The following AMH variants were observed in gnomAD, a reference collection of about 807,000 sequenced individuals.
AMH encodes anti-Mullerian hormone.
AMH carries 39 observed loss-of-function variants against 33.3 expected under a neutral mutation model. The ratio of observed to expected loss-of-function variants is 1.17; its 90% CI spans 0.91 to 1.53. The LOEUF (loss-of-function observed/expected upper bound fraction) is 1.53, where lower values mean the gene tolerates loss of function less well. Among genes scored for constraint, AMH ranks in the 40% most tolerant of loss-of-function variants. The pLI is 0.00. For synonymous variants in AMH, 536 were observed against 403.0 expected, an observed-to-expected ratio of 1.33 and a Z score of -3.95; for missense variants, 1,019 against 799.8, an observed-to-expected ratio of 1.27 and a Z score of -3.30.
In AMH at chr19:2,251,952, C is replaced by G. The variant is rs954011347; in HGVS notation, c.1678C>G (p.Arg560Gly). 5.8e-6 allele frequency: 9 copies of G among 1,545,286 alleles called. No homozygotes were observed. The highest frequency in any genetic ancestry group is 7.8e-6 in the Non-Finnish European group (9 of 1,153,588). Reference protein sequence around the residue: ...PNMVATECGCR With the variant: ...PNMVATECGCG ...CATGGTGGCCACCGAGTGTGGCTGC[C>G]GGTGACCCCTGCGCCGCGCGGACTC... Residue 560 changes from arginine (R) to glycine (G), a missense_variant, in exon 5 of 5, where the codon CGG becomes GGG. Arg to Gly is a moderately radical substitution (Grantham distance 125, BLOSUM62 -2). Transcript: ENST00000221496.
Position 2,251,401 on chromosome 19 carries a change from C to A in AMH, c.1127C>A (p.Ala376Glu). Residue 376 changes from alanine (A) to glutamate (E), a missense_variant, in exon 5 of 5, where the codon GCG becomes GAG. Physicochemically the swap from Ala to Glu is moderately radical, Grantham distance 107 (BLOSUM62 -1). Transcript: ENST00000221496. Reference sequence around the variant, plus strand: ...TCGGCGCCGTGGGCCACGGCCCTGGCGCGCCGCGTGGCTGCTGAACTGCAA... The same window carrying A: ...TCGGCGCCGTGGGCCACGGCCCTGGAGCGCCGCGTGGCTGCTGAACTGCAA... ...PTSAPWATAL[A>E]RRVAAELQAA... 2 of 1,452,310 alleles carry A rather than the reference C, an allele frequency of 1.4e-6. No individual in the cohort carries two copies. Among genetic ancestry groups the A allele is most frequent in the South Asian group, 1.3e-5 (1 of 75,040 alleles). 90.0% of individuals were successfully genotyped at this position (1,452,310 alleles called of 1,614,324 possible).
chr19:2,250,217 A>C (rs1338854974), intron 1 of AMH, 120 bp from the exon 2 acceptor site: 3 of 1,481,232 alleles, frequency 2.0e-6, no homozygotes, highest in African/African-American at 2.8e-5. Context: ...TAAGAGGGGC[A>C]CCCTTGTCCC....
chr19:2,250,261 G>T (rs2025005173), intron 1 of AMH, 76 bp from the exon 2 acceptor site: 2 of 1,539,848 alleles, frequency 1.3e-6, no homozygotes, highest in Non-Finnish European at 1.7e-6. Context: ...GGCCAGAGCG[G>T]CAGGGACAGA....
At position 2,250,915 on chromosome 19, in the gene AMH, G is replaced by A. The variant is rs2025027842; in HGVS notation, c.731G>A (p.Arg244Gln). ...GGCGACGACCACCGCTGCTTCACACGGATGACCCCGGCCCTGCTCCTGCTG... is the reference window on the plus strand; with the variant it reads ...GGCGACGACCACCGCTGCTTCACACAGATGACCCCGGCCCTGCTCCTGCTG... ...LFGDDHRCFT[R>Q]MTPALLLLPR... The change falls in exon 4 of 5, where the codon CGG becomes CAG. Residue 244 changes from arginine to glutamine, a missense_variant. By Grantham distance (43) the Arg-to-Gln change is conservative. Coordinates refer to ENST00000221496, the MANE Select transcript of AMH (RefSeq NM_000479.5). 3.2e-6 allele frequency: 5 copies of A among 1,566,446 alleles called. No homozygotes were observed. In the South Asian group the frequency reaches 5.8e-5, roughly 18 times the overall value.
At chr19:2,250,526 A>G (rs1236501078) in intron 2 of AMH, 47 bp downstream of exon 2, 7 of 1,542,188 alleles carry the variant, frequency 4.5e-6, no homozygotes, top group African/African-American at 1.4e-5. Flanking sequence ...GGCGGGGGGC[A>G]TGGATTTGTT....
Position 2,251,350 on chromosome 19 carries a change from A to T in AMH, c.1076A>T (p.Asp359Val). ...LLRPTAATTG[D>V]PAPLHDPTSA... The stretch of plus-strand genomic sequence containing the variant: ...AGGCCCACTGCGGCCACCACCGGGG[A>T]TCCTGCGCCCCTGCACGACCCCACG... The change falls in exon 5 of 5, where the codon GAT (aspartate) becomes GTT (valine). Residue 359 changes from aspartate to valine, a missense_variant. Coordinates refer to ENST00000221496, the MANE Select transcript of AMH (RefSeq NM_000479.5). The T allele has an allele frequency of 1.3e-6, 2 of 1,491,276 alleles. No individual in the cohort carries two copies. The highest frequency in any genetic ancestry group is 1.8e-6 in the Non-Finnish European group (2 of 1,127,892). 92.4% of individuals were successfully genotyped at this position (1,491,276 alleles called of 1,614,324 possible).
Position 2,249,733 on chromosome 19 carries a change from A to G in AMH, c.401A>G (p.His134Arg). The change falls in exon 1 of 5, where the codon CAC becomes CGC. Residue 134 changes from histidine to arginine, a missense_variant. Physicochemically the swap from His to Arg is conservative, Grantham distance 29 (BLOSUM62 0). Coordinates refer to ENST00000221496, the MANE Select transcript of AMH (RefSeq NM_000479.5). The stretch of plus-strand genomic sequence containing the variant: ...GGGGGGCAGCGCCTGGTGGTCCTAC[A>G]CCTGGAGGAAGGTATGTGGGGCCCA... ...DPGGQRLVVL[H>R]LEEVTWEPTP... 6.7e-7 allele frequency: 1 copy of G among 1,503,750 alleles called. No individual in the cohort carries two copies. The highest frequency in any genetic ancestry group is 1.4e-5 in the African/African-American group (1 of 71,574). The allele number at this position is 1,503,750 out of a possible 1,614,324, so 93.2% of individuals were successfully genotyped here.
Position 2,250,359 on chromosome 19 carries a change from G to C in AMH, c.435G>C (p.Ser145=). 6.3e-7 allele frequency: 1 copy of C among 1,598,134 alleles called. No individual in the cohort carries two copies. The highest frequency in any genetic ancestry group is 1.3e-5 in the African/African-American group (1 of 74,860). Residue 145 remains serine (S), a synonymous_variant, in exon 2 of 5, where the codon TCG becomes TCC. Transcript: ENST00000221496. ...LEEVTWEPTP[S]LRFQEPPPGG... ...CAGTGACCTGGGAGCCAACACCCTCGCTGAGGTTCCAGGAGCCCCCGCCTG... is the reference window on the plus strand; with the variant it reads ...CAGTGACCTGGGAGCCAACACCCTCCCTGAGGTTCCAGGAGCCCCCGCCTG...
At position 2,250,917 on chromosome 19, in the gene AMH, A is replaced by C; in HGVS notation, c.733A>C (p.Met245Leu). The change falls in exon 4 of 5, where the codon ATG becomes CTG. Residue 245 changes from methionine to leucine, a missense_variant. Met to Leu is a conservative substitution (Grantham distance 15). Transcript: ENST00000221496. ...CGACGACCACCGCTGCTTCACACGG[A>C]TGACCCCGGCCCTGCTCCTGCTGCC... The part of the protein sequence containing the change: ...FGDDHRCFTR[M>L]TPALLLLPRS... 6.4e-7 allele frequency: 1 copy of C among 1,566,656 alleles called. No individual in the cohort carries two copies. Among genetic ancestry groups the C allele is most frequent in the Non-Finnish European group, 8.6e-7 (1 of 1,164,808 alleles).
rs1020223304 is a variant in AMH, at chr19:2,250,153, A to G, written c.413-184A>G. The G allele has an allele frequency of 2.0e-5, 20 of 1,004,200 alleles. No homozygotes were observed. In the South Asian group the frequency reaches 2.7e-4, roughly 13 times the overall value. 62.2% of individuals were successfully genotyped at this position (1,004,200 alleles called of 1,614,324 possible). ...GCGGCAGCCCCACCCACAGCCTCAG[A>G]CGCAGCCCCTGCCTGCCCCTGCCGT... On this transcript the variant is annotated intron_variant, in intron 1 of 4. Transcript: ENST00000221496.
rs765937909 is a variant in AMH, at chr19:2,249,616, G to A, written c.284G>A (p.Arg95Gln). ...GAVQRARWGP[R>Q]DLATFGVCNT... is the part of the protein sequence containing the mutation. ...GTGCAGAGGGCCCGCTGGGGCCCCC[G>A]AGACCTGGCCACCTTCGGGGTCTGC... is the stretch of plus-strand genomic sequence containing the variant. The change falls in exon 1 of 5, where the codon CGA (arginine) becomes CAA (glutamine). Residue 95 changes from arginine to glutamine, a missense_variant. Coordinates refer to ENST00000221496, the MANE Select transcript of AMH (RefSeq NM_000479.5). 5.7e-5 allele frequency: 88 copies of A among 1,542,020 alleles called. 1 individual carries two copies. The highest frequency in any genetic ancestry group is 5.7e-4 in the South Asian group (48 of 84,588).
At position 2,251,328 on chromosome 19, in the gene AMH, C is replaced by T. The variant is rs764049634; in HGVS notation, c.1054C>T (p.Pro352Ser). The stretch of plus-strand genomic sequence containing the variant: ...GGAGCCGCTGCTGCTGCTGCTGAGG[C>T]CCACTGCGGCCACCACCGGGGATCC... ...GEEPLLLLLRPTAATTGDPAP... is the reference protein window; with the variant it reads ...GEEPLLLLLRSTAATTGDPAP... The change falls in exon 5 of 5, where the codon CCC becomes TCC. Residue 352 changes from proline to serine, a missense_variant. By Grantham distance (74) the Pro-to-Ser change is moderately conservative (BLOSUM62 -1). Transcript: ENST00000221496. 9.1e-4 allele frequency: 1,356 copies of T among 1,496,856 alleles called. 1 individual carries two copies. The highest frequency in any genetic ancestry group is 1.1e-3 in the Non-Finnish European group (1,229 of 1,130,688). The allele number at this position is 1,496,856 out of a possible 1,614,324, so 92.7% of individuals were successfully genotyped here. A position where few individuals can be genotyped will look rare whatever the true frequency, so the allele number is the denominator to read the frequency against.
At chr19:2,250,069 C>A in intron 1 of AMH, 2 of 633,322 alleles carry the variant, frequency 3.2e-6, no homozygotes. Context: ...GGCCGCTGGC[C>A]TAAGATACTC....
At position 2,251,774 on chromosome 19, in the gene AMH, C is replaced by T. The variant is rs769448328; in HGVS notation, c.1500C>T (p.Asn500=). 103 of 1,610,782 alleles carry T rather than the reference C, an allele frequency of 6.4e-5. 1 individual carries two copies. In the Admixed American group the frequency reaches 1.7e-3, roughly 27 times the overall value. Residue 500 remains asparagine, a synonymous_variant, in exon 5 of 5, where the codon AAC becomes AAT. Transcript: ENST00000221496. ...GVCGWPQSDR[N]PRYGNHVVLL... is the part of the protein sequence containing the mutation. ...GCGGCTGGCCTCAGTCCGACCGCAA[C>T]CCGCGCTACGGCAACCACGTGGTGC...
In AMH at chr19:2,251,439, G is replaced by T. The variant is rs1415701260; in HGVS notation, c.1165G>T (p.Glu389Ter). Residue 389 changes from glutamate (E) to a stop codon, truncating the protein, a stop_gained, in exon 5 of 5, where the codon GAG (glutamate) becomes TAG (stop). Transcript: ENST00000221496. LOFTEE classifies it low-confidence loss of function (END_TRUNC). ...TGCTGAACTGCAAGCGGCGGCTGCC[G>T]AGCTGCGAAGCCTCCCGGGTCTGCC... ...VAAELQAAAA[E>*]LRSLPGLPPA... 5.6e-6 allele frequency: 8 copies of T among 1,438,406 alleles called. No homozygotes were observed. The East Asian group carries it at 2.5e-4, about 44-fold the overall frequency. 89.1% of individuals were successfully genotyped at this position (1,438,406 alleles called of 1,614,324 possible). A position where few individuals can be genotyped will look rare whatever the true frequency, so the allele number is the denominator to read the frequency against.
In AMH at chr19:2,251,857, C is replaced by T. The variant is rs765768129; in HGVS notation, c.1583C>T (p.Pro528Leu). The T allele has an allele frequency of 1.3e-6, 2 of 1,592,718 alleles. No individual in the cohort carries two copies. The highest frequency in any genetic ancestry group is 1.7e-6 in the Non-Finnish European group (2 of 1,175,496). ...AALARPPCCVPTAYAGKLLIS... is the reference protein window; with the variant it reads ...AALARPPCCVLTAYAGKLLIS... Reference sequence around the variant, plus strand: ...CTGGCGCGCCCACCCTGCTGCGTGCCCACCGCCTACGCGGGCAAGCTGCTC... The same window carrying T: ...CTGGCGCGCCCACCCTGCTGCGTGCTCACCGCCTACGCGGGCAAGCTGCTC... Residue 528 changes from proline to leucine, a missense_variant, in exon 5 of 5, where the codon CCC becomes CTC. Coordinates refer to ENST00000221496, the MANE Select transcript of AMH (RefSeq NM_000479.5).
rs2025045883 is a variant in AMH at position 2,251,625 on chromosome 19, C to G, written c.1351C>G (p.Arg451Gly). 4 of 1,547,208 alleles carry G rather than the reference C, an allele frequency of 2.6e-6. No individual in the cohort carries two copies. The highest frequency in any genetic ancestry group is 2.5e-5 in the East Asian group (1 of 40,166). The change falls in exon 5 of 5, where the codon CGC (arginine) becomes GGC (glycine). Residue 451 changes from arginine to glycine, a missense_variant. By Grantham distance (125) the Arg-to-Gly change is moderately radical. Coordinates refer to ENST00000221496, the MANE Select transcript of AMH (RefSeq NM_000479.5). ...TCCGCGCGGGCCGGGTCGGGCACAG[C>G]GCAGCGCGGGGGCCACCGCCGCCGA... ...RDPRGPGRAQRSAGATAADGP... is the reference protein window; with the variant it reads ...RDPRGPGRAQGSAGATAADGP...
chr19:2,250,916 G>A lies in AMH; in HGVS notation c.732G>A (p.Arg244=). 3.8e-6 allele frequency: 6 copies of A among 1,566,562 alleles called. No homozygotes were observed. Among genetic ancestry groups the A allele is most frequent in the Non-Finnish European group, 4.3e-6 (5 of 1,164,746 alleles). Residue 244 remains arginine, a synonymous_variant, in exon 4 of 5, where the codon CGG becomes CGA. Coordinates refer to ENST00000221496, the MANE Select transcript of AMH (RefSeq NM_000479.5). The part of the protein sequence containing the change: ...LFGDDHRCFT[R]MTPALLLLPR... ...GCGACGACCACCGCTGCTTCACACG[G>A]ATGACCCCGGCCCTGCTCCTGCTGC...
In AMH at chr19:2,252,053, A is replaced by G; in HGVS notation, c.*96A>G. On this transcript the variant is annotated 3_prime_UTR_variant, in exon 5 of 5. Transcript: ENST00000221496. ...TTCGGACCCCAAGCATCGCCCCAAT[A>G]AAGACCAGCAAGCAACCGGCTGGGG... The G allele has an allele frequency of 8.0e-6, 12 of 1,494,232 alleles. No individual in the cohort carries two copies. Among genetic ancestry groups the G allele is most frequent in the Non-Finnish European group, 1.1e-5 (12 of 1,116,868 alleles). 92.6% of individuals were successfully genotyped at this position (1,494,232 alleles called of 1,614,324 possible). A position where few individuals can be genotyped will look rare whatever the true frequency, so the allele number is the denominator to read the frequency against.
Sources: allele counts gnomAD v4.1 joint callset, GRCh38; gene constraint gnomAD v4.1.1; transcripts MANE v1.5; gene names NCBI Gene and HGNC (gene_info 2026-07-23, HGNC 2026-07-21).